The following SOX5 variants were observed in gnomAD, a reference collection of about 807,000 sequenced individuals.
SOX5 encodes transcription factor SOX-5.
SOX5 carries 9 observed loss-of-function variants against 92.0 expected under a neutral mutation model. The ratio of observed to expected loss-of-function variants is 0.10; its 90% CI spans 0.06 to 0.17. The LOEUF (loss-of-function observed/expected upper bound fraction) is 0.17, where lower values mean the gene tolerates loss of function less well. Ranked by LOEUF, SOX5 falls within the 10% of genes least tolerant of loss-of-function variation. The pLI is 1.00. For missense variants in SOX5, 642 were observed against 944.5 expected, an observed-to-expected ratio of 0.68 and a Z score of 4.20; for synonymous variants, 344 against 336.3, an observed-to-expected ratio of 1.02 and a Z score of -0.25.
chr12:24,306,237 T>C (rs1023439345), intron 2 of SOX5, among the ~76,000 whole-genome samples: 19 of 152,084 alleles, frequency 1.2e-4, no homozygotes, highest in African/African-American at 4.6e-4. Context: ...AGGCACAAGT[T>C]GGGTGATGCC....
chr12:23,881,090 C>T (rs929146052), intron 2 of SOX5, among the ~76,000 whole-genome samples: 1 of 152,080 alleles, frequency 6.6e-6, no homozygotes. Context: ...TTAAATACCA[C>T]CTATCTTCTA....
chr12:24,312,160 G>T (rs973081276), intron 2 of SOX5, among the ~76,000 whole-genome samples: 6 of 152,070 alleles, frequency 3.9e-5, no homozygotes, highest in African/African-American at 1.4e-4. Context: ...TGTGGGAAAT[G>T]GATTTAAATC....
intron 11 of SOX5, among the ~76,000 whole-genome samples, chr12:23,546,736 CA>C (rs1943211692): frequency 6.6e-6 from 1 of 152,130 alleles, no homozygotes; most frequent in African/African-American, 2.4e-5. Flanking sequence ...TTCATGGAAG[CA>C]ACCTGTTTTA....
intron 1 of SOX5, among the ~76,000 whole-genome samples, chr12:24,547,244 T>C (rs1235849588): frequency 2.0e-4 from 29 of 145,920 alleles, no homozygotes; most frequent in African/African-American, 7.3e-4. Context: ...GACTGCGGAC[T>C]GCAGTGGCGC....
At chr12:24,059,406 G>A (rs1396639126) in intron 4 of SOX5, among the ~76,000 whole-genome samples, 1 of 151,936 alleles carries the variant, frequency 6.6e-6, no homozygotes, top group Non-Finnish European at 1.5e-5. Context: ...AGTATTTCAA[G>A]CCATTGAAAC....
At chr12:23,538,962 G>A (rs1001355287) in intron 13 of SOX5, among the ~76,000 whole-genome samples, 3 of 151,538 alleles carry the variant, frequency 2.0e-5, no homozygotes, top group Admixed American at 1.3e-4. Flanking sequence ...CACCACGCCC[G>A]GCTAGCTTTT....
rs540799380 is a variant in SOX5, at chr12:23,730,416, G to A, written c.810+4268C>T. On this transcript the variant is annotated intron_variant, in intron 6 of 14. Coordinates refer to ENST00000451604, the MANE Select transcript of SOX5 (RefSeq NM_006940.6). ...AGAAAAATAAGACAAACTTCTTAGT[G>A]CTTCTAAAATTAAGAGTCTCATAGA... Among the ~76,000 whole-genome samples, 5 of 152,238 alleles carry A rather than the reference G, an allele frequency of 3.3e-5. No individual in the cohort carries two copies. In the South Asian group the frequency reaches 1.0e-3, roughly 32 times the overall value.
chr12:24,459,094 C>T (rs964209719), intron 1 of SOX5, among the ~76,000 whole-genome samples: 3 of 152,246 alleles, frequency 2.0e-5, no homozygotes, highest in Admixed American at 2.0e-4. Flanking sequence ...TGATTGTTTC[C>T]GTTCCCCCTC....
chr12:24,244,473 C>T (rs1335987699), intron 3 of SOX5, among the ~76,000 whole-genome samples: 1 of 152,184 alleles, frequency 6.6e-6, no homozygotes, highest in East Asian at 1.9e-4. Flanking sequence ...AATTCTTTCC[C>T]CACTCCTCAC....
chr12:23,939,309 A>C (rs1198027487), intron 1 of SOX5, among the ~76,000 whole-genome samples: 1 of 151,004 alleles, frequency 6.6e-6, no homozygotes, highest in Non-Finnish European at 1.5e-5. Flanking sequence ...ACAGTAGGAT[A>C]TTTGCACATT....
chr12:23,951,651 T>TAC (rs1176730692), upstream of SOX5, among the ~76,000 whole-genome samples: 15 of 74,764 alleles, frequency 2.0e-4, no homozygotes, highest in South Asian at 1.4e-3. Context: ...AAAATATATA[T>TAC]ATACACACAC....
rs56341402 is a variant in SOX5 at position 24,106,791 on chromosome 12, A to AAATAATAATAAT, written c.-2+106540_-2+106551dup. 5.1e-3 allele frequency among the ~76,000 whole-genome samples: 704 copies of AAATAATAATAAT among 137,466 alleles called. 8 individuals carry two copies. Among genetic ancestry groups the AAATAATAATAAT allele is most frequent in the South Asian group, 0.012 (49 of 4,172 alleles). The allele number at this position is 137,466 out of a possible 152,430, so 90.2% of individuals were successfully genotyped here. A position where few individuals can be genotyped will look rare whatever the true frequency, so the allele number is the denominator to read the frequency against. ...TGGGCAACAGAGTGAGACTCGTCTC[A>AAATAATAATAAT]AATAATAATAATAATAATAATAATA... is the stretch of plus-strand genomic sequence containing the variant. On this transcript the variant is annotated intron_variant, in intron 4 of 4. Transcript: ENST00000446891.
Position 24,415,796 on chromosome 12 carries a change from G to A in SOX5, c.-250-47157C>T, listed in dbSNP as rs148027680. ...GTAACGTACTTTGTTAGATGAGGTG[G>A]AGAAAACAAAGTCATTAAAACTTGC... On this transcript the variant is annotated intron_variant, in intron 1 of 4. Coordinates refer to the SOX5 transcript ENST00000446891. 3.7e-3 allele frequency among the ~76,000 whole-genome samples: 566 copies of A among 152,280 alleles called. 4 individuals are homozygous for A. The highest frequency in any genetic ancestry group is 0.013 in the African/African-American group (537 of 41,548).
In SOX5 at chr12:24,234,032, A is replaced by G. The variant is rs1594618147; in HGVS notation, c.-76-20615T>C. 2.0e-5 allele frequency among the ~76,000 whole-genome samples: 3 copies of G among 152,184 alleles called. No homozygotes were observed. In the East Asian group the frequency reaches 5.8e-4, roughly 29 times the overall value. The stretch of plus-strand genomic sequence containing the variant: ...TTCATATCCAATTTGGTCTGTCCAA[A>G]TCTACACACGGAATCCGAGGCCAAC... On this transcript the variant is annotated intron_variant, in intron 3 of 4. Coordinates refer to the SOX5 transcript ENST00000446891.
At chr12:23,782,535 G>A (rs1236603588) in intron 3 of SOX5, among the ~76,000 whole-genome samples, 2 of 152,146 alleles carry the variant, frequency 1.3e-5, no homozygotes, top group East Asian at 1.9e-4. Flanking sequence ...TTGATGAACA[G>A]AGGAAAGAGG....
rs58253847 is a variant in SOX5 at position 24,536,865 on chromosome 12, T to C, written c.-251+25464A>G. ...AAAGGCAACTTTCTATCCACCTATA[T>C]TAGGGAAAAAAACATGCAGAATATG... On this transcript the variant is annotated intron_variant, in intron 1 of 4. Coordinates refer to the SOX5 transcript ENST00000446891. Among the ~76,000 whole-genome samples the C allele has an allele frequency of 3.6e-3, 544 of 152,302 alleles. 3 individuals are homozygous for C. The highest frequency in any genetic ancestry group is 0.013 in the African/African-American group (526 of 41,568).
chr12:24,298,763 A>G (rs2140604821), intron 2 of SOX5, among the ~76,000 whole-genome samples: 1 of 135,208 alleles, frequency 7.4e-6, no homozygotes, highest in African/African-American at 2.7e-5. Flanking sequence ...CCATAATTCT[A>G]ATTCTGATCC....
intron 4 of SOX5, 50 bp from the exon 5 acceptor site, chr12:23,741,089 T>C: frequency 7.0e-7 from 1 of 1,433,814 alleles, no homozygotes; most frequent in East Asian, 2.4e-5. Context: ...AAAAAAGTAA[T>C]TATTTCAATG....
intron 3 of SOX5, among the ~76,000 whole-genome samples, chr12:24,274,672 G>A (rs201694297): frequency 5.1e-4 from 74 of 146,210 alleles, no homozygotes; most frequent in Non-Finnish European, 4.7e-4. Flanking sequence ...GTTTTGAAAG[G>A]AAAAAAAAAA....
Sources: allele counts gnomAD v4.1 joint callset (sites outside exome capture counted in the v4.1 genomes callset), GRCh38; gene constraint gnomAD v4.1.1; transcripts MANE v1.5; gene names NCBI Gene and HGNC (gene_info 2026-07-23, HGNC 2026-07-21).